The following DPP10 variants were observed in gnomAD, a reference collection of about 807,000 sequenced individuals.
The protein encoded by DPP10 is dipeptidyl peptidase like 10, also known as inactive dipeptidyl peptidase 10.
DPP10 carries 33 observed loss-of-function variants against 120.9 expected under a neutral mutation model. The observed-to-expected ratio is 0.27, with a 90% CI of 0.21 to 0.37. The LOEUF (loss-of-function observed/expected upper bound fraction) is 0.37. Ranked by LOEUF, DPP10 falls within the 10% of genes least tolerant of loss-of-function variation. The pLI, the probability that DPP10 is intolerant of heterozygous loss-of-function variation, is 1.00. For missense variants in DPP10, 816 were observed against 942.8 expected (o/e 0.87, Z 1.76); for synonymous variants, 337 against 326.1 (o/e 1.03, Z -0.36).
At chr2:114,899,923 G>A (rs892204289) in intron 1 of DPP10, among the ~76,000 whole-genome samples, 3 of 152,230 alleles carry the variant, frequency 2.0e-5, no homozygotes, top group Admixed American at 6.5e-5. Flanking sequence ...TCGCACCACT[G>A]CACTCCAGCC....
chr2:115,599,744 A>G (rs1174301939), intron 5 of DPP10, among the ~76,000 whole-genome samples: 1 of 152,140 alleles, frequency 6.6e-6, no homozygotes, highest in Non-Finnish European at 1.5e-5. Flanking sequence ...GTTATGCTGA[A>G]TATATTCTGG....
intron 1 of DPP10, among the ~76,000 whole-genome samples, chr2:114,632,791 C>T (rs764209322): frequency 2.0e-5 from 3 of 152,086 alleles, no homozygotes; most frequent in Non-Finnish European, 4.4e-5. Flanking sequence ...GGATTACAGG[C>T]GTGAGCCACT....
chr2:115,009,758 T>C (rs372997369), intron 1 of DPP10, among the ~76,000 whole-genome samples: 3 of 152,270 alleles, frequency 2.0e-5, no homozygotes. Context: ...ACATGTATCC[T>C]ACAAGTTAAA....
chr2:115,249,061 AT>A (rs1234138224), intron 1 of DPP10, among the ~76,000 whole-genome samples: 1 of 152,144 alleles, frequency 6.6e-6, no homozygotes, highest in Non-Finnish European at 1.5e-5. Context: ...GATCTTCATT[AT>A]GCTGAAGATT....
intron 1 of DPP10, among the ~76,000 whole-genome samples, chr2:114,492,989 G>A (rs190189727): frequency 1.3e-5 from 2 of 152,258 alleles, no homozygotes; most frequent in Admixed American, 1.3e-4. Flanking sequence ...CAAGCACACA[G>A]GTACTATGAG....
intron 1 of DPP10, among the ~76,000 whole-genome samples, chr2:114,541,413 C>T (rs1288456857): frequency 6.6e-6 from 1 of 152,104 alleles, no homozygotes; most frequent in Non-Finnish European, 1.5e-5. Flanking sequence ...CCTACTATAC[C>T]ATTGTCAGGA....
chr2:115,403,224 C>A (rs1219613836), intron 3 of DPP10, among the ~76,000 whole-genome samples: 1 of 151,598 alleles, frequency 6.6e-6, no homozygotes, highest in Non-Finnish European at 1.5e-5. Context: ...AAATTCTCAA[C>A]AATTAACTAT....
rs1690478506 is a variant in DPP10, at chr2:115,844,724, C to G, written c.*2379C>G. ...CCTAGGACTCCAATAGCATGCTTTC[C>G]AAGTGTTATTATTCCCTTAATGTTA... is the stretch of plus-strand genomic sequence containing the variant. On this transcript the variant is annotated 3_prime_UTR_variant, in exon 26 of 26. Coordinates refer to ENST00000410059, the MANE Select transcript of DPP10 (RefSeq NM_020868.6). 1 of 152,022 alleles carries G rather than the reference C, an allele frequency of 6.6e-6. No individual in the cohort carries two copies. The highest frequency in any genetic ancestry group is 2.4e-5 in the African/African-American group (1 of 41,392). The allele number at this position is 152,022 out of a possible 1,614,324, so 9.4% of individuals were successfully genotyped here.
At chr2:114,565,744 C>T (rs1463192910) in intron 1 of DPP10, among the ~76,000 whole-genome samples, 2 of 152,186 alleles carry the variant, frequency 1.3e-5, no homozygotes, top group African/African-American at 2.4e-5. Flanking sequence ...CTATAAACTA[C>T]GTGACTTCCT....
chr2:114,927,532 G>A (rs188413653), intron 1 of DPP10, among the ~76,000 whole-genome samples: 40 of 152,164 alleles, frequency 2.6e-4, no homozygotes, highest in Admixed American at 2.5e-3. Flanking sequence ...AGACACAAAT[G>A]GTTGCATTCC....
chr2:115,320,853 C>T (rs2062023543), intron 2 of DPP10, among the ~76,000 whole-genome samples: 1 of 152,128 alleles, frequency 6.6e-6, no homozygotes, highest in Admixed American at 6.6e-5. Flanking sequence ...TATTTTTCCA[C>T]TTCATGCTGA....
At chr2:114,702,968 C>T (rs1700473639) in intron 1 of DPP10, among the ~76,000 whole-genome samples, 2 of 152,072 alleles carry the variant, frequency 1.3e-5, no homozygotes, top group Non-Finnish European at 2.9e-5. Context: ...TATCTTGAAC[C>T]TACATCCAAA....
chr2:115,006,325 C>T (rs1425657868), intron 1 of DPP10, among the ~76,000 whole-genome samples: 1 of 150,972 alleles, frequency 6.6e-6, no homozygotes, highest in Non-Finnish European at 1.5e-5. Flanking sequence ...AGCAAAATAA[C>T]CAGCTAGCAT....
chr2:115,123,790 C>A (rs965639263), intron 1 of DPP10, among the ~76,000 whole-genome samples: 4 of 152,112 alleles, frequency 2.6e-5, no homozygotes, highest in African/African-American at 9.7e-5. Flanking sequence ...ACTCCAACAA[C>A]CTCACTGGGT....
chr2:115,803,697 T>A (rs1685552592), intron 19 of DPP10, among the ~76,000 whole-genome samples: 1 of 152,174 alleles, frequency 6.6e-6, no homozygotes, highest in Non-Finnish European at 1.5e-5. Flanking sequence ...TGAAGCTCAG[T>A]TTGGCTGGAT....
At chr2:114,570,934 GT>G in intron 1 of DPP10, among the ~76,000 whole-genome samples, 1 of 151,538 alleles carries the variant, frequency 6.6e-6, no homozygotes, top group Non-Finnish European at 1.5e-5. Context: ...TATAAACTCT[GT>G]GAAAGGCTGT....
chr2:115,620,562 T>C (rs958266604), intron 5 of DPP10, among the ~76,000 whole-genome samples: 1 of 152,232 alleles, frequency 6.6e-6, no homozygotes, highest in African/African-American at 2.4e-5. Context: ...TACAAATCTC[T>C]ACTAACAGTT....
chr2:115,696,675 G>T (rs1463728458), intron 7 of DPP10, among the ~76,000 whole-genome samples: 3 of 152,120 alleles, frequency 2.0e-5, no homozygotes, highest in African/African-American at 7.2e-5. Context: ...AAGAAATAAA[G>T]ATCCCGGTAA....
Position 114,656,512 on chromosome 2 carries a change from T to C in DPP10, c.60+213674T>C, listed in dbSNP as rs150537778. Among the ~76,000 whole-genome samples the C allele has an allele frequency of 2.7e-4, 41 of 152,294 alleles. No individual in the cohort carries two copies. The East Asian group carries it at 4.1e-3, about 15-fold the overall frequency. ...TTTTATAACAGTATCTGCAATTTAT[T>C]GTTCACATAGCCTTCAAAGAAAGAA... is the stretch of plus-strand genomic sequence containing the variant. On this transcript the variant is annotated intron_variant, in intron 1 of 25. Coordinates refer to ENST00000410059, the MANE Select transcript of DPP10 (RefSeq NM_020868.6).
Sources: allele counts gnomAD v4.1 joint callset (sites outside exome capture counted in the v4.1 genomes callset), GRCh38; gene constraint gnomAD v4.1.1; transcripts MANE v1.5; gene names NCBI Gene and HGNC (gene_info 2026-07-23, HGNC 2026-07-21).